DHX32: variants seen among roughly 807,000 people sequenced by gnomAD.
DHX32 encodes the protein putative pre-mRNA-splicing factor ATP-dependent RNA helicase DHX32.
DHX32 carries 51 observed loss-of-function variants against 70.0 expected under a neutral mutation model. The ratio of observed to expected loss-of-function variants is 0.73; its 90% confidence interval spans 0.58 to 0.92. The LOEUF (loss-of-function observed/expected upper bound fraction) is 0.92, where lower values mean the gene tolerates loss of function less well. DHX32 is among the 40% of genes least tolerant of loss of function. The pLI is 0.00. For missense variants in DHX32, 762 were observed against 891.8 expected (o/e 0.85, Z 1.85); for synonymous variants, 310 against 315.3 (o/e 0.98, Z 0.18).
Position 125,836,507 on chromosome 10 carries a change from A to G in DHX32, c.*180T>C. The G allele has an allele frequency of 1.5e-6, 2 of 1,359,020 alleles. No individual in the cohort carries two copies. Among genetic ancestry groups the G allele is most frequent in the Non-Finnish European group, 1.9e-6 (2 of 1,043,336 alleles). 84.2% of individuals were successfully genotyped at this position (1,359,020 alleles called of 1,614,324 possible). A position where few individuals can be genotyped will look rare whatever the true frequency, so the allele number is the denominator to read the frequency against. On this transcript the variant is annotated 3_prime_UTR_variant, in exon 11 of 11. Coordinates refer to ENST00000284690, the MANE Select transcript of DHX32 (RefSeq NM_018180.3). ...AGAAGAAGAAAAGCATGGAGTAGTA[A>G]TTTAAAGAACTCAATAAAAACTTCT...
chr10:125,874,650 C>T (rs1280643827), intron 1 of DHX32, among the ~76,000 whole-genome samples: 1 of 152,138 alleles, frequency 6.6e-6, no homozygotes, highest in Non-Finnish European at 1.5e-5. Flanking sequence ...GTGTGAATAA[C>T]ACGAAGCCCT....
chr10:125,879,593 T>C (rs1944305330), intron 1 of DHX32, among the ~76,000 whole-genome samples: 1 of 152,220 alleles, frequency 6.6e-6, no homozygotes, highest in African/African-American at 2.4e-5. Flanking sequence ...TAACCTCCAA[T>C]GGTTCTGAGT....
intron 2 of DHX32, among the ~76,000 whole-genome samples, chr10:125,860,227 G>A (rs1432631992): frequency 2.0e-5 from 3 of 152,100 alleles, no homozygotes; most frequent in Non-Finnish European, 2.9e-5. Flanking sequence ...TGAACCCTAA[G>A]TTAAAGACCT....
intron 4 of DHX32, 84 bp downstream of exon 4, chr10:125,853,876 TC>T (rs1325727818): frequency 1.3e-6 from 2 of 1,511,746 alleles, no homozygotes; most frequent in African/African-American, 1.4e-5. Context: ...CATCCTCACT[TC>T]CTGATCAGTA....
rs1357680665 is a variant in DHX32 at position 125,853,972 on chromosome 10, C to G, written c.1081G>C (p.Glu361Gln). Residue 361 changes from glutamate to glutamine, a missense_variant, in exon 4 of 11, where the codon GAA becomes CAA. Coordinates refer to ENST00000284690, the MANE Select transcript of DHX32 (RefSeq NM_018180.3). ...TCAATAATAATTACCTTTCTTCTTT[C>G]CACACCCACATCGATAACAAATCTG... Reference protein sequence around the residue: ...SVRFVIDVGVERRKVYNPRIR... With the variant: ...SVRFVIDVGVQRRKVYNPRIR... 12 of 1,613,592 alleles carry G rather than the reference C, an allele frequency of 7.4e-6. No individual in the cohort carries two copies. Among genetic ancestry groups the G allele is most frequent in the East Asian group, 6.7e-5 (3 of 44,868 alleles).
chr10:125,841,683 T>C (rs1001935200), intron 7 of DHX32, 60 bp downstream of exon 7: 6 of 1,573,780 alleles, frequency 3.8e-6, no homozygotes, highest in Admixed American at 4.2e-5. Flanking sequence ...ATGGATCCGA[T>C]CTAAATCTAT....
intron 1 of DHX32, among the ~76,000 whole-genome samples, chr10:125,875,300 A>C: frequency 6.6e-6 from 1 of 152,144 alleles, no homozygotes; most frequent in Non-Finnish European, 1.5e-5. Context: ...TTCACCACTA[A>C]ACGGAACAAG....
rs563709519 is a variant in DHX32, at chr10:125,860,100, G to A, written c.477-125C>T. 8.3e-6 allele frequency: 7 copies of A among 847,852 alleles called. No homozygotes were observed. In the Admixed American group the frequency reaches 1.8e-4, roughly 21 times the overall value. The allele number at this position is 847,852 out of a possible 1,614,324, so 52.5% of individuals were successfully genotyped here. On this transcript the variant is annotated intron_variant, in intron 2 of 10. Transcript: ENST00000284690. ...TCAGTAACTCTAAATTTTTACTGGGGCCAAAATTCCTTTAAGTTGATACAA... is the reference window on the plus strand; with the variant it reads ...TCAGTAACTCTAAATTTTTACTGGGACCAAAATTCCTTTAAGTTGATACAA...
chr10:125,847,104 T>C (rs1564824558), intron 6 of DHX32, among the ~76,000 whole-genome samples: 1 of 152,180 alleles, frequency 6.6e-6, no homozygotes, highest in Non-Finnish European at 1.5e-5. Context: ...GGGGAGACTC[T>C]ACACATTTGC....
intron 6 of DHX32, among the ~76,000 whole-genome samples, chr10:125,849,497 T>C (rs762595606): frequency 7.2e-5 from 11 of 152,236 alleles, no homozygotes; most frequent in Non-Finnish European, 1.0e-4. Flanking sequence ...CATCTGAGTA[T>C]AGTAGTAACT....
In DHX32 at chr10:125,854,151, T is replaced by C. The variant is rs35772239; in HGVS notation, c.902A>G (p.Asp301Gly). Reference protein sequence around the residue: ...TVYQGSNLNPDLGELVVVPLY... With the variant: ...TVYQGSNLNPGLGELVVVPLY... ...AGGAACAACCACCAGTTCTCCAAGA[T>C]CTGGGTTTAGGTTAGATCCTTGATA... Residue 301 changes from aspartate to glycine, a missense_variant, in exon 4 of 11, where the codon GAT becomes GGT. Coordinates refer to ENST00000284690, the MANE Select transcript of DHX32 (RefSeq NM_018180.3). The C allele has an allele frequency of 6.2e-7, 1 of 1,613,672 alleles. No individual in the cohort carries two copies. The highest frequency in any genetic ancestry group is 1.7e-5 in the Admixed American group (1 of 59,986).
intron 1 of DHX32, among the ~76,000 whole-genome samples, chr10:125,870,096 A>C (rs1403627412): frequency 6.6e-6 from 1 of 152,230 alleles, no homozygotes; most frequent in African/African-American, 2.4e-5. Flanking sequence ...TAAATGAATG[A>C]AGCTAAAGAG....
At chr10:125,838,451 G>T in intron 9 of DHX32, 64 bp from the exon 10 acceptor site, 1 of 1,398,544 alleles carries the variant, frequency 7.2e-7, no homozygotes, top group Non-Finnish European at 9.5e-7. Flanking sequence ...ATACAAAGAT[G>T]TTTGTTGAAA....
intron 1 of DHX32, among the ~76,000 whole-genome samples, chr10:125,877,564 G>C (rs1944291641): frequency 1.3e-5 from 2 of 152,168 alleles, no homozygotes; most frequent in Non-Finnish European, 2.9e-5. Context: ...GTGCATGCCT[G>C]TAATCCCAGC....
chr10:125,890,360 A>G lies in DHX32; in HGVS notation c.-248+5858T>C, dbSNP rs558097839. ...CACTTCTTTGTTTGCCTTTGTTTTA[A>G]TAGCCTGAAATCTCCCAAAAATATA... On this transcript the variant is annotated intron_variant, in intron 1 of 2. Transcript: ENST00000415732. Among the ~76,000 whole-genome samples the G allele has an allele frequency of 9.2e-5, 14 of 152,364 alleles. No individual in the cohort carries two copies. In the East Asian group the frequency reaches 2.1e-3, roughly 23 times the overall value.
Position 125,841,947 on chromosome 10 carries a change from A to G in DHX32, c.1352-13T>C. 1.3e-6 allele frequency: 2 copies of G among 1,574,318 alleles called. No individual in the cohort carries two copies. The highest frequency in any genetic ancestry group is 1.7e-6 in the Non-Finnish European group (2 of 1,168,042). ...AAACTTTCTGGTGCTAGGAAAGGAA[A>G]AAAATAATAATTTAAGAGTCTCATA... On this transcript the variant is annotated splice_polypyrimidine_tract_variant and intron_variant, in intron 6 of 10. Transcript: ENST00000284690.
intron 2 of DHX32, among the ~76,000 whole-genome samples, chr10:125,860,589 A>G (rs1944180481): frequency 6.6e-6 from 1 of 152,142 alleles, no homozygotes; most frequent in South Asian, 2.1e-4. Context: ...GAATTCCTGG[A>G]GTGGGGAGAG....
intron 3 of DHX32, among the ~76,000 whole-genome samples, chr10:125,859,050 T>TTG (rs1564827830): frequency 8.1e-5 from 12 of 147,854 alleles, no homozygotes; most frequent in East Asian, 7.8e-4. Flanking sequence ...TGTTTGTTTT[T>TTG]TTTTTTTTTT....
intron 3 of DHX32, among the ~76,000 whole-genome samples, chr10:125,856,456 G>A (rs1230622016): frequency 2.6e-5 from 4 of 152,128 alleles, no homozygotes; most frequent in African/African-American, 9.7e-5. Flanking sequence ...GAAACAACAC[G>A]CTAAACATTC....
Sources: gnomAD v4.1 joint callset for allele counts (sites outside exome capture counted in the v4.1 genomes callset) on GRCh38, gnomAD v4.1.1 for gene constraint, MANE v1.5 for transcripts, NCBI Gene and HGNC (gene_info 2026-07-23, HGNC 2026-07-21) for gene names.